Variants in SCN8A observed in about 807,000 individuals in gnomAD.
The protein encoded by SCN8A is sodium voltage-gated channel alpha subunit 8, also known as sodium channel protein type 8 subunit alpha.
In SCN8A, 30 loss-of-function variants were observed where a neutral mutation model predicts 184.1. The ratio of observed to expected loss-of-function variants is 0.16; its 90% CI spans 0.12 to 0.22. The LOEUF is 0.22. SCN8A is among the 10% of genes least tolerant of loss of function. SCN8A has a pLI of 1.00. For missense variants in SCN8A, 1,057 were observed against 2,498.9 expected (o/e 0.42, Z 12.30); for synonymous variants, 852 against 907.0 (o/e 0.94, Z 1.09).
chr12:51,719,949 G>A (rs1339713068), intron 11 of SCN8A, among the ~76,000 whole-genome samples: 16 of 151,694 alleles, frequency 1.1e-4, no homozygotes, highest in African/African-American at 2.4e-4. Flanking sequence ...GGTAGCGGGC[G>A]CCTGTAGTCC....
intron 19 of SCN8A, 55 bp downstream of exon 19, chr12:51,770,738 G>T: frequency 3.8e-6 from 6 of 1,581,202 alleles, no homozygotes; most frequent in Non-Finnish European, 4.3e-6. Flanking sequence ...GTGTAGAGAA[G>T]CCAGTGGGAA....
chr12:51,702,025 G>A (rs1414610617), intron 8 of SCN8A, among the ~76,000 whole-genome samples: 22 of 152,010 alleles, frequency 1.4e-4, no homozygotes, highest in Admixed American at 1.4e-3. Context: ...GAAAACAAAT[G>A]ATTAAGAGGA....
At chr12:51,786,518 G>A (rs1938090333) in intron 21 of SCN8A, 24 bp from the exon 22 acceptor site, 1 of 1,613,618 alleles carries the variant, frequency 6.2e-7, no homozygotes, top group Non-Finnish European at 8.5e-7. Context: ...ACCCAACACT[G>A]AGCAACCTCC....
At chr12:51,680,426 T>C (rs1363232650) in intron 2 of SCN8A, among the ~76,000 whole-genome samples, 1 of 152,232 alleles carries the variant, frequency 6.6e-6, no homozygotes, top group Non-Finnish European at 1.5e-5. Context: ...CTGATCCTAA[T>C]TCAGAATCCT....
chr12:51,723,402 G>A (rs1942100554), intron 12 of SCN8A, among the ~76,000 whole-genome samples: 1 of 152,100 alleles, frequency 6.6e-6, no homozygotes, highest in South Asian at 2.1e-4. Flanking sequence ...TGAGGCAGGG[G>A]GATCACATGA....
chr12:51,793,903 G>A (rs1361462729), intron 25 of SCN8A, among the ~76,000 whole-genome samples: 1 of 151,450 alleles, frequency 6.6e-6, no homozygotes, highest in African/African-American at 2.4e-5. Context: ...CTAGCATTTT[G>A]GGAGGCCAAG....
intron 14 of SCN8A, among the ~76,000 whole-genome samples, chr12:51,760,515 T>G (rs1942746821): frequency 6.6e-6 from 1 of 152,214 alleles, no homozygotes; most frequent in Non-Finnish European, 1.5e-5. Context: ...CAGTGCTTCT[T>G]CATGAGCACT....
At chr12:51,734,930 T>G (rs962101416) in intron 12 of SCN8A, among the ~76,000 whole-genome samples, 1 of 152,240 alleles carries the variant, frequency 6.6e-6, no homozygotes, top group Non-Finnish European at 1.5e-5. Context: ...CTTTAAGCAC[T>G]CCAGTTCCTG....
intron 14 of SCN8A, among the ~76,000 whole-genome samples, chr12:51,756,744 G>A (rs1041996144): frequency 3.3e-5 from 5 of 152,170 alleles, no homozygotes; most frequent in African/African-American, 4.8e-5. Context: ...TTGCTGGGCC[G>A]TGCCCTTCCT....
intron 1 of SCN8A, among the ~76,000 whole-genome samples, chr12:51,599,355 A>G (rs1939415945): frequency 6.6e-6 from 1 of 152,210 alleles, no homozygotes. Context: ...TTTAGGAAAG[A>G]GAGAGCATTT....
At chr12:51,618,156 C>T (rs1051910690) in intron 1 of SCN8A, among the ~76,000 whole-genome samples, 3 of 152,068 alleles carry the variant, frequency 2.0e-5, no homozygotes, top group South Asian at 2.1e-4. Context: ...TGGCAAGATA[C>T]GGAGAGTCAA....
intron 12 of SCN8A, among the ~76,000 whole-genome samples, chr12:51,728,887 T>G (rs1161269852): frequency 6.6e-6 from 1 of 152,154 alleles, no homozygotes; most frequent in Non-Finnish European, 1.5e-5. Context: ...CCACTTTTTA[T>G]TACCTTGACT....
At position 51,688,184 on chromosome 12, in the gene SCN8A, A is replaced by G. The variant is rs1264304557; in HGVS notation, c.615-821A>G. Among the ~76,000 whole-genome samples, 3 of 152,188 alleles carry G rather than the reference A, an allele frequency of 2.0e-5. No homozygotes were observed. The East Asian group carries it at 5.8e-4, about 29-fold the overall frequency. On this transcript the variant is annotated intron_variant, in intron 5 of 26. Coordinates refer to ENST00000627620, the MANE Select transcript of SCN8A (RefSeq NM_001330260.2). Reference sequence around the variant, plus strand: ...GAGCTTGTAATTAAAATGAGCACTTAACACAATATTTGCTCTGATCCCATG... The same window carrying G: ...GAGCTTGTAATTAAAATGAGCACTTGACACAATATTTGCTCTGATCCCATG...
intron 2 of SCN8A, among the ~76,000 whole-genome samples, chr12:51,677,217 T>G (rs1197833447): frequency 6.6e-6 from 1 of 152,000 alleles, no homozygotes; most frequent in Non-Finnish European, 1.5e-5. Context: ...CTAAGTAAGC[T>G]GGGTCTACAG....
At chr12:51,652,545 G>A (rs1396505879) in intron 1 of SCN8A, among the ~76,000 whole-genome samples, 2 of 152,180 alleles carry the variant, frequency 1.3e-5, no homozygotes, top group Non-Finnish European at 2.9e-5. Context: ...CGTTCCTGAT[G>A]TGGTACTTGA....
At position 51,636,867 on chromosome 12, in the gene SCN8A, G is replaced by A. The variant is rs76720034; in HGVS notation, c.-54-25897G>A. Among the ~76,000 whole-genome samples the A allele has an allele frequency of 3.9e-5, 6 of 152,294 alleles. No individual in the cohort carries two copies. The East Asian group carries it at 7.7e-4, about 20-fold the overall frequency. ...AAAATGAAATACATAAATATAAAAC[G>A]ATACAGGCATACCTCATTTTATTGG... On this transcript the variant is annotated intron_variant, in intron 1 of 26. Coordinates refer to ENST00000627620, the MANE Select transcript of SCN8A (RefSeq NM_001330260.2).
At chr12:51,725,159 C>T (rs746301524) in intron 12 of SCN8A, among the ~76,000 whole-genome samples, 16 of 152,222 alleles carry the variant, frequency 1.1e-4, no homozygotes, top group Non-Finnish European at 1.9e-4. Flanking sequence ...CTAGGAAAAA[C>T]TATTTTTATT....
intron 2 of SCN8A, among the ~76,000 whole-genome samples, chr12:51,678,226 G>C (rs557001040): frequency 6.8e-4 from 104 of 152,214 alleles, no homozygotes; most frequent in Non-Finnish European, 1.4e-3. Context: ...GGGGATAAAA[G>C]TAGGGGAGAT....
chr12:51,700,452 A>C (rs1246116188), intron 7 of SCN8A, among the ~76,000 whole-genome samples: 1 of 152,178 alleles, frequency 6.6e-6, no homozygotes, highest in African/African-American at 2.4e-5. Flanking sequence ...AATTTTCTTA[A>C]TACTACTAAG....
Sources: allele counts gnomAD v4.1 joint callset (sites outside exome capture counted in the v4.1 genomes callset), GRCh38; gene constraint gnomAD v4.1.1; transcripts MANE v1.5; gene names NCBI Gene and HGNC (gene_info 2026-07-23, HGNC 2026-07-21).